The following ZNF398 variants were observed in gnomAD, a reference collection of about 807,000 sequenced individuals.
ZNF398 encodes the protein zinc finger protein 398.
ZNF398 carries 18 observed loss-of-function variants against 41.9 expected under a neutral mutation model. The ratio of observed to expected loss-of-function variants is 0.43; its 90% CI spans 0.30 to 0.64. ZNF398 has a LOEUF of 0.64. Ranked by LOEUF, ZNF398 falls within the 30% of genes least tolerant of loss-of-function variation. ZNF398 has a pLI of 0.14. For missense variants in ZNF398, 669 were observed against 822.8 expected, an observed-to-expected ratio of 0.81 and a Z score of 2.29; for synonymous variants, 260 against 308.8, an observed-to-expected ratio of 0.84 and a Z score of 1.66.
intron 1 of ZNF398, among the ~76,000 whole-genome samples, chr7:149,148,887 T>A (rs1425811967): frequency 7.0e-6 from 1 of 143,848 alleles, no homozygotes; most frequent in Non-Finnish European, 1.5e-5. Context: ...TTTTTTTTTT[T>A]TTTTAGCTCA....
intron 1 of ZNF398, among the ~76,000 whole-genome samples, chr7:149,128,040 G>C (rs1242201069): frequency 1.3e-5 from 2 of 152,166 alleles, no homozygotes; most frequent in African/African-American, 2.4e-5. Flanking sequence ...TAATGCTTTT[G>C]TGATTCATCC....
intron 5 of ZNF398, among the ~76,000 whole-genome samples, 154 bp from the exon 6 acceptor site, chr7:149,178,494 C>T (rs942811070): frequency 2.6e-5 from 4 of 152,132 alleles, no homozygotes; most frequent in Non-Finnish European, 5.9e-5. Flanking sequence ...TGATGATTTG[C>T]CACAGAGACC....
At chr7:149,149,585 C>A (rs1052884503) in intron 1 of ZNF398, among the ~76,000 whole-genome samples, 1 of 152,052 alleles carries the variant, frequency 6.6e-6, no homozygotes, top group African/African-American at 2.4e-5. Flanking sequence ...GCCTGTTATC[C>A]CAAGCACTTC....
At chr7:149,156,861 CAAAA>C (rs11400806) in intron 2 of ZNF398, among the ~76,000 whole-genome samples, 27 of 141,226 alleles carry the variant, frequency 1.9e-4, no homozygotes, top group African/African-American at 6.6e-4. Flanking sequence ...AACTCCATTT[CAAAA>C]AAAAAAAAAA....
rs191104073 is a variant in ZNF398, at chr7:149,155,887, C to T, written c.420+1547C>T. On this transcript the variant is annotated intron_variant, in intron 2 of 5. Coordinates refer to ENST00000475153, the MANE Select transcript of ZNF398 (RefSeq NM_170686.3). ...GACTACAGGCGTCCGTCACCATGCC[C>T]AGCTAATTTTTTGTATTTTTAGTAG... is the stretch of plus-strand genomic sequence containing the variant. 6.1e-3 allele frequency among the ~76,000 whole-genome samples: 922 copies of T among 151,532 alleles called. 32 individuals are homozygous for T. Among genetic ancestry groups the T allele is most frequent in the Admixed American group, 0.051 (767 of 15,182 alleles).
chr7:149,161,823 AGG>A (rs371820856), intron 2 of ZNF398, among the ~76,000 whole-genome samples: 1 of 143,910 alleles, frequency 6.9e-6, no homozygotes, highest in Non-Finnish European at 1.5e-5. Flanking sequence ...AAAAAAAAAA[AGG>A]GGAATTGTTA....
At chr7:149,167,818 A>G (rs1795256402) in intron 4 of ZNF398, among the ~76,000 whole-genome samples, 1 of 151,644 alleles carries the variant, frequency 6.6e-6, no homozygotes, top group Non-Finnish European at 1.5e-5. Context: ...TCACCATGTT[A>G]GCAAGGATGG....
chr7:149,173,726 G>A (rs1795400879), intron 4 of ZNF398, among the ~76,000 whole-genome samples: 2 of 150,750 alleles, frequency 1.3e-5, no homozygotes, highest in Admixed American at 1.3e-4. Context: ...CAGATGTGCT[G>A]TCATCCAGGC....
At chr7:149,153,206 A>G (rs977924403) in intron 1 of ZNF398, among the ~76,000 whole-genome samples, 1 of 152,150 alleles carries the variant, frequency 6.6e-6, no homozygotes, top group African/African-American at 2.4e-5. Flanking sequence ...AGTGGGTCAC[A>G]ATGGCACACA....
In ZNF398 at chr7:149,154,333, T is replaced by A. The variant is rs1245556452; in HGVS notation, c.413T>A (p.Ile138Asn). 6.2e-7 allele frequency: 1 copy of A among 1,609,684 alleles called. No homozygotes were observed. Among genetic ancestry groups the A allele is most frequent in the African/African-American group, 1.3e-5 (1 of 74,790 alleles). ...LRLPPGIKGD[I>N]PKVPVAFDDV... is the part of the protein sequence containing the mutation. Reference sequence around the variant, plus strand: ...CTCCCTCCAGGTATTAAGGGAGATATCCCAAAGGTAATACCTTCATTTCTA... The same window carrying A: ...CTCCCTCCAGGTATTAAGGGAGATAACCCAAAGGTAATACCTTCATTTCTA... Residue 138 changes from isoleucine to asparagine, a missense_variant, in exon 2 of 6, where the codon ATC becomes AAC. Ile to Asn is a moderately radical substitution (Grantham distance 149). Coordinates refer to ENST00000475153, the MANE Select transcript of ZNF398 (RefSeq NM_170686.3).
chr7:149,151,440 G>A (rs1014332710), intron 1 of ZNF398, among the ~76,000 whole-genome samples: 1 of 152,198 alleles, frequency 6.6e-6, no homozygotes, highest in Non-Finnish European at 1.5e-5. Context: ...AAAGATGGGA[G>A]GTTGTCGTCA....
intron 2 of ZNF398, among the ~76,000 whole-genome samples, chr7:149,134,521 G>A (rs1001095688): frequency 6.6e-6 from 1 of 152,078 alleles, no homozygotes; most frequent in Non-Finnish European, 1.5e-5. Flanking sequence ...AAAGTTTGGG[G>A]ACTACAGATG....
At chr7:149,173,093 ATTTTTTTTTTTTTTTTTTT>A (rs71192762) in intron 4 of ZNF398, among the ~76,000 whole-genome samples, 1 of 64,958 alleles carries the variant, frequency 1.5e-5, no homozygotes, top group Non-Finnish European at 2.8e-5. Flanking sequence ...GGCAATTTCT[ATTTTTTTTTTTTTTTTTTT>A]TTTTTTTTTT....
chr7:149,157,873 C>T (rs1198090978), intron 2 of ZNF398, among the ~76,000 whole-genome samples: 1 of 142,520 alleles, frequency 7.0e-6, no homozygotes, highest in Non-Finnish European at 1.5e-5. Context: ...AGGACCAAGT[C>T]CGGTGGTAGG....
intron 2 of ZNF398, among the ~76,000 whole-genome samples, chr7:149,159,525 G>A (rs879574301): frequency 1.3e-5 from 2 of 151,724 alleles, no homozygotes; most frequent in Non-Finnish European, 2.9e-5. Flanking sequence ...GCGGGTGCCT[G>A]TAGTCCCAGC....
intron 2 of ZNF398, among the ~76,000 whole-genome samples, chr7:149,129,795 G>GTTTA (rs950478982): frequency 1.3e-5 from 2 of 151,696 alleles, no homozygotes; most frequent in East Asian, 1.9e-4. Context: ...ATACTTATTT[G>GTTTA]TTTATTTATT....
chr7:149,170,439 G>T (rs1033412431), intron 4 of ZNF398, among the ~76,000 whole-genome samples: 1 of 152,122 alleles, frequency 6.6e-6, no homozygotes, highest in East Asian at 1.9e-4. Flanking sequence ...AAAATCTGGT[G>T]TAAAAGATAC....
intron 4 of ZNF398, 25 bp from the exon 5 acceptor site, chr7:149,176,443 A>AT (rs34010643): frequency 4.9e-4 from 741 of 1,497,226 alleles, no homozygotes; most frequent in Non-Finnish European, 6.0e-4. Flanking sequence ...CATGAAGGCC[A>AT]TTTTTTTTTC....
chr7:149,164,824 G>A (rs1234869594), intron 2 of ZNF398, among the ~76,000 whole-genome samples: 3 of 152,074 alleles, frequency 2.0e-5, no homozygotes, highest in Non-Finnish European at 4.4e-5. Flanking sequence ...GGCCGGGCAC[G>A]GTGGCTCACA....
Sources: gnomAD v4.1 joint callset for allele counts (sites outside exome capture counted in the v4.1 genomes callset) on GRCh38, gnomAD v4.1.1 for gene constraint, MANE v1.5 for transcripts, NCBI Gene and HGNC (gene_info 2026-07-23, HGNC 2026-07-21) for gene names.